Variants in TNR observed in about 807,000 individuals in gnomAD.
TNR encodes tenascin R.
Under a neutral mutation model 150.4 loss-of-function variants are expected in TNR, and 45 were observed. The observed-to-expected ratio is 0.30, with a 90% confidence interval of 0.24 to 0.38. The LOEUF (loss-of-function observed/expected upper bound fraction) is 0.38, where lower values mean the gene tolerates loss of function less well. Among genes scored for constraint, TNR ranks in the 10% least tolerant of loss-of-function variants. The pLI, the probability that TNR is intolerant of heterozygous loss-of-function variation, is 1.00. For synonymous variants in TNR, 687 were observed against 678.4 expected (o/e 1.01, Z -0.20); for missense variants, 1,544 against 1,759.1 (o/e 0.88, Z 2.19).
At chr1:175,475,451 G>A (rs1657506841) in intron 2 of TNR, among the ~76,000 whole-genome samples, 2 of 152,232 alleles carry the variant, frequency 1.3e-5, no homozygotes, top group Admixed American at 6.5e-5. Flanking sequence ...ATACAATCAA[G>A]CCCTTTGGCA....
intron 1 of TNR, among the ~76,000 whole-genome samples, chr1:175,578,584 G>T (rs1055043410): frequency 2.6e-5 from 4 of 152,142 alleles, no homozygotes; most frequent in Non-Finnish European, 5.9e-5. Flanking sequence ...AATGAGAGAA[G>T]GGAGGAGGGA....
rs145804981 is a variant in TNR at position 175,611,260 on chromosome 1, C to G, written c.-164-82891G>C. Among the ~76,000 whole-genome samples the G allele has an allele frequency of 5.3e-4, 80 of 152,238 alleles. 1 individual carries two copies. The East Asian group carries it at 0.014, about 27-fold the overall frequency. ...ATCACATCAGGGAAATGATGTCCAC[C>G]CAGGTCCCTTCTCTACAAATGTTTA... On this transcript the variant is annotated intron_variant, in intron 1 of 22. Transcript: ENST00000367674.
At chr1:175,469,515 G>A (rs1657183945) in intron 2 of TNR, among the ~76,000 whole-genome samples, 1 of 151,970 alleles carries the variant, frequency 6.6e-6, no homozygotes, top group African/African-American at 2.4e-5. Context: ...TATCAAGCAG[G>A]GGACTGAGGT....
At chr1:175,665,831 G>T (rs377055037) in intron 1 of TNR, among the ~76,000 whole-genome samples, 1 of 152,144 alleles carries the variant, frequency 6.6e-6, no homozygotes, top group Non-Finnish European at 1.5e-5. Flanking sequence ...AACAGGAAAT[G>T]CCCTGTGATT....
At chr1:175,573,672 C>T (rs989446801) in intron 1 of TNR, among the ~76,000 whole-genome samples, 1 of 152,194 alleles carries the variant, frequency 6.6e-6, no homozygotes, top group Non-Finnish European at 1.5e-5. Flanking sequence ...AAAGCTTATC[C>T]GATTGTATGT....
rs114844385 is a variant in TNR at position 175,367,630 on chromosome 1, C to T, written c.1964-333G>A. The stretch of plus-strand genomic sequence containing the variant: ...AGCGTCTCAGGTTGGCTTGAACCAG[C>T]GAGAGGATTTCTTGCTTAAATTGTG... On this transcript the variant is annotated intron_variant, in intron 9 of 22. Transcript: ENST00000367674. 4.3e-3 allele frequency among the ~76,000 whole-genome samples: 660 copies of T among 152,138 alleles called. 4 individuals carry two copies. Among genetic ancestry groups the T allele is most frequent in the African/African-American group, 0.015 (634 of 41,514 alleles).
intron 1 of TNR, among the ~76,000 whole-genome samples, chr1:175,662,468 T>C (rs1316127314): frequency 6.6e-6 from 1 of 152,168 alleles, no homozygotes; most frequent in Non-Finnish European, 1.5e-5. Flanking sequence ...ATCTCCCTAC[T>C]GGGCCTCCCC....
rs140055869 is a variant in TNR, at chr1:175,452,344, T to C, written c.-63-45567A>G. Among the ~76,000 whole-genome samples the C allele has an allele frequency of 1.7e-3, 258 of 152,336 alleles. 1 individual carries two copies. The highest frequency in any genetic ancestry group is 6.0e-3 in the African/African-American group (249 of 41,574). ...ATGACAATACACAAGAGTAATGTGA[T>C]AGGATATCAGGGCTGTAACTTTTAC... On this transcript the variant is annotated intron_variant, in intron 2 of 22. Transcript: ENST00000367674.
chr1:175,371,183 C>T (rs1008883886), intron 9 of TNR, among the ~76,000 whole-genome samples: 21 of 152,164 alleles, frequency 1.4e-4, no homozygotes, highest in Non-Finnish European at 2.9e-4. Flanking sequence ...TCTATCAATG[C>T]CCCCTTTATC....
At chr1:175,513,288 T>C (rs1659270043) in intron 2 of TNR, among the ~76,000 whole-genome samples, 1 of 152,212 alleles carries the variant, frequency 6.6e-6, no homozygotes, top group Non-Finnish European at 1.5e-5. Context: ...TGGAGGCAGC[T>C]CTCTGAGCTA....
At chr1:175,331,509 C>T (rs894208646) in intron 20 of TNR, among the ~76,000 whole-genome samples, 5 of 152,148 alleles carry the variant, frequency 3.3e-5, no homozygotes, top group East Asian at 1.9e-4. Context: ...GTGATCTGCC[C>T]GCCTCAGCCT....
Position 175,649,532 on chromosome 1 carries a change from C to G in TNR, c.-165+93694G>C, listed in dbSNP as rs527691155. On this transcript the variant is annotated intron_variant, in intron 1 of 22. Transcript: ENST00000367674. The stretch of plus-strand genomic sequence containing the variant: ...ATCTTCCTTGTTTCTTGATGGAGCA[C>G]AGTACTCGCACAGAGCCCGGCACAG... Among the ~76,000 whole-genome samples, 3 of 152,250 alleles carry G rather than the reference C, an allele frequency of 2.0e-5. No individual in the cohort carries two copies. In the South Asian group the frequency reaches 6.2e-4, roughly 32 times the overall value.
intron 1 of TNR, among the ~76,000 whole-genome samples, chr1:175,680,434 C>T (rs541578637): frequency 4.6e-5 from 7 of 151,764 alleles, no homozygotes; most frequent in East Asian, 1.9e-4. Flanking sequence ...GTGAGAAAGG[C>T]GGGAGTGTGT....
chr1:175,483,445 C>T (rs1056603896), intron 2 of TNR, among the ~76,000 whole-genome samples: 1 of 152,132 alleles, frequency 6.6e-6, no homozygotes, highest in Non-Finnish European at 1.5e-5. Context: ...GGCTCCTTAC[C>T]TGTAAAAGAA....
At chr1:175,661,469 CTT>C (rs2101896860) in intron 1 of TNR, among the ~76,000 whole-genome samples, 1 of 152,252 alleles carries the variant, frequency 6.6e-6, no homozygotes, top group East Asian at 1.9e-4. Context: ...TCAAGGAAGA[CTT>C]GGCCGGGGCA....
chr1:175,443,369 G>A (rs942093661), intron 2 of TNR, among the ~76,000 whole-genome samples: 1 of 152,144 alleles, frequency 6.6e-6, no homozygotes, highest in African/African-American at 2.4e-5. Context: ...GACGATCGAG[G>A]CGTGAATCCT....
chr1:175,576,717 C>T lies in TNR; in HGVS notation c.-164-48348G>A, dbSNP rs117171858. Among the ~76,000 whole-genome samples the T allele has an allele frequency of 1.8e-3, 273 of 152,304 alleles. 4 individuals carry two copies. In the East Asian group the frequency reaches 0.037, roughly 21 times the overall value. On this transcript the variant is annotated intron_variant, in intron 1 of 22. Coordinates refer to ENST00000367674, the MANE Select transcript of TNR (RefSeq NM_003285.3). ...CCCTTTCACTTAGAATATCTGTATA[C>T]ATCCTATTCATTTTTTGAGACTCTG... is the stretch of plus-strand genomic sequence containing the variant.
chr1:175,632,721 A>C (rs1664369554), intron 1 of TNR, among the ~76,000 whole-genome samples: 1 of 152,192 alleles, frequency 6.6e-6, no homozygotes, highest in Admixed American at 6.5e-5. Flanking sequence ...TGGCCCTGCA[A>C]GGTCTTATTG....
rs796211279 is a variant in TNR at position 175,626,584 on chromosome 1, A to G, written c.-164-98215T>C. ...TCTTCATGGCAGCCTTCAGTTAGTA[A>G]TTGAGAAGAAAGCAACTGAGAGAGA... is the stretch of plus-strand genomic sequence containing the variant. On this transcript the variant is annotated intron_variant, in intron 1 of 22. Coordinates refer to ENST00000367674, the MANE Select transcript of TNR (RefSeq NM_003285.3). 2.0e-4 allele frequency among the ~76,000 whole-genome samples: 30 copies of G among 152,280 alleles called. 1 individual carries two copies. The highest frequency in any genetic ancestry group is 6.0e-4 in the African/African-American group (25 of 41,562).
Sources: allele counts gnomAD v4.1 joint callset (sites outside exome capture counted in the v4.1 genomes callset), GRCh38; gene constraint gnomAD v4.1.1; transcripts MANE v1.5; gene names NCBI Gene and HGNC (gene_info 2026-07-23, HGNC 2026-07-21).